The following CERS3 variants were observed in gnomAD, a reference collection of about 807,000 sequenced individuals.
The protein encoded by CERS3 is LAG1 homolog, ceramide synthase 3.
CERS3 carries 33 observed loss-of-function variants against 50.3 expected under a neutral mutation model. The ratio of observed to expected loss-of-function variants is 0.66; its 90% confidence interval spans 0.50 to 0.88. The LOEUF (loss-of-function observed/expected upper bound fraction) is 0.88. Among genes scored for constraint, CERS3 ranks in the 40% least tolerant of loss-of-function variants. CERS3 has a pLI of 0.00. For missense variants in CERS3, 470 were observed against 460.3 expected (o/e 1.02, Z -0.19); for synonymous variants, 176 against 155.2 (o/e 1.13, Z -0.99).
chr15:100,492,855 A>G (rs2035693723), intron 3 of CERS3, among the ~76,000 whole-genome samples: 1 of 151,986 alleles, frequency 6.6e-6, no homozygotes, highest in South Asian at 2.1e-4. Flanking sequence ...GTTTTTTACT[A>G]TTTTAAAAGT....
At chr15:100,419,906 C>A (rs1596625478) in intron 11 of CERS3, among the ~76,000 whole-genome samples, 1 of 150,060 alleles carries the variant, frequency 6.7e-6, no homozygotes, top group African/African-American at 2.5e-5. Context: ...CACAACATAC[C>A]AGAATCTCTG....
At chr15:100,532,637 T>C (rs190935334), upstream of CERS3, among the ~76,000 whole-genome samples, 187 of 151,342 alleles carry the variant, frequency 1.2e-3, 3 homozygotes, top group East Asian at 0.016. Context: ...ATGGTAGCTG[T>C]GATCCCAGCT....
chr15:100,480,091 G>C, intron 5 of CERS3, 45 bp from the exon 6 acceptor site: 1 of 1,386,372 alleles, frequency 7.2e-7, no homozygotes, highest in Middle Eastern at 1.8e-4. Flanking sequence ...AAAGGTAACT[G>C]AGATTTGAGG....
intron 11 of CERS3, among the ~76,000 whole-genome samples, chr15:100,412,453 A>G (rs1002971826): frequency 2.6e-5 from 4 of 152,108 alleles, no homozygotes; most frequent in African/African-American, 9.7e-5. Flanking sequence ...TTGATTACTG[A>G]AGATTTGTAG....
chr15:100,526,756 G>A (rs1255453555), intron 1 of CERS3, among the ~76,000 whole-genome samples: 1 of 151,958 alleles, frequency 6.6e-6, no homozygotes, highest in African/African-American at 2.4e-5. Context: ...CTCCCTGAGG[G>A]CAGGGACTTG....
intron 9 of CERS3, among the ~76,000 whole-genome samples, chr15:100,471,433 C>T (rs943027730): frequency 1.3e-5 from 2 of 152,118 alleles, no homozygotes; most frequent in Non-Finnish European, 2.9e-5. Flanking sequence ...AGGGCAACCC[C>T]GTGTTTATTC....
chr15:100,431,146 C>T (rs2033111804), intron 11 of CERS3, among the ~76,000 whole-genome samples: 1 of 152,186 alleles, frequency 6.6e-6, no homozygotes, highest in South Asian at 2.1e-4. Flanking sequence ...GATTGCTACT[C>T]TTTGTGAAAA....
intron 3 of CERS3, among the ~76,000 whole-genome samples, chr15:100,498,205 T>A (rs968523339): frequency 6.6e-6 from 1 of 152,160 alleles, no homozygotes; most frequent in African/African-American, 2.4e-5. Flanking sequence ...AAAAATAACA[T>A]TGTTAACAGA....
intron 2 of CERS3, among the ~76,000 whole-genome samples, chr15:100,515,611 G>A (rs891820711): frequency 6.0e-5 from 9 of 150,388 alleles, no homozygotes; most frequent in Non-Finnish European, 8.9e-5. Context: ...GAAGTCAGAG[G>A]GGTGTAAAGC....
intron 11 of CERS3, among the ~76,000 whole-genome samples, chr15:100,411,451 C>T (rs777711788): frequency 6.6e-5 from 10 of 152,064 alleles, no homozygotes; most frequent in South Asian, 2.1e-4. Context: ...CGTGAGCCAC[C>T]GTGCCTGGCC....
chr15:100,528,724 C>G (rs1293679637), intron 1 of CERS3, 89 bp downstream of exon 1: 1 of 152,456 alleles, frequency 6.6e-6, no homozygotes, highest in Non-Finnish European at 1.5e-5. Flanking sequence ...CCCAGGCACA[C>G]ATACACACAC....
chr15:100,423,552 A>T (rs1333417359), intron 11 of CERS3, among the ~76,000 whole-genome samples: 1 of 152,284 alleles, frequency 6.6e-6, no homozygotes, highest in South Asian at 2.1e-4. Context: ...CTCACTTACA[A>T]CACACATGGA....
intron 11 of CERS3, among the ~76,000 whole-genome samples, chr15:100,440,126 T>C (rs2033613684): frequency 6.6e-6 from 1 of 152,202 alleles, no homozygotes; most frequent in African/African-American, 2.4e-5. Context: ...CTGGACCCAA[T>C]CATTACAGGC....
intron 11 of CERS3, among the ~76,000 whole-genome samples, chr15:100,430,109 G>C (rs972129851): frequency 1.3e-5 from 2 of 151,934 alleles, no homozygotes; most frequent in Non-Finnish European, 2.9e-5. Flanking sequence ...TCAGGAGATC[G>C]AGACCATCCT....
chr15:100,543,577 T>A (rs532130258), intron 1 of CERS3, among the ~76,000 whole-genome samples: 45 of 150,572 alleles, frequency 3.0e-4, no homozygotes, highest in Non-Finnish European at 5.5e-4. Flanking sequence ...TTGCCCAGGC[T>A]GGAGTGCAAT....
chr15:100,444,572 C>A, intron 11 of CERS3, among the ~76,000 whole-genome samples: 1 of 152,194 alleles, frequency 6.6e-6, no homozygotes, highest in Non-Finnish European at 1.5e-5. Flanking sequence ...CTCTTAGAAC[C>A]TCTCATTTCC....
chr15:100,476,214 C>A, intron 7 of CERS3, 36 bp from the exon 8 acceptor site: 1 of 1,405,032 alleles, frequency 7.1e-7, no homozygotes, highest in Non-Finnish European at 9.7e-7. Flanking sequence ...CTTTAAATGC[C>A]ATCATAGAAG....
intron 10 of CERS3, among the ~76,000 whole-genome samples, chr15:100,468,430 T>C (rs1224206407): frequency 2.0e-5 from 3 of 152,182 alleles, no homozygotes; most frequent in Non-Finnish European, 4.4e-5. Context: ...CGAATACACA[T>C]GGTCTAAAGA....
At position 100,484,662 on chromosome 15, in the gene CERS3, T is replaced by C. The variant is rs746543071; in HGVS notation, c.295A>G (p.Ile99Val). Reference sequence around the variant, plus strand: ...TTACACTTCTTTGCCAGTCCATAAATATCAGTCTGAAAAGGGATGAAACGC... The same window carrying C: ...TTACACTTCTTTGCCAGTCCATAAACATCAGTCTGAAAAGGGATGAAACGC... The part of the protein sequence containing the change: ...HSTRQPLQTD[I>V]YGLAKKCNLT... Residue 99 changes from isoleucine to valine, a missense_variant, in exon 5 of 12, where the codon ATT becomes GTT. Ile to Val is a conservative substitution (Grantham distance 29). Transcript: ENST00000679737. The C allele has an allele frequency of 5.8e-5, 93 of 1,611,134 alleles. 1 individual carries two copies. Among genetic ancestry groups the C allele is most frequent in the Middle Eastern group, 4.9e-4 (3 of 6,084 alleles).
Sources: gnomAD v4.1 joint callset for allele counts (sites outside exome capture counted in the v4.1 genomes callset) on GRCh38, gnomAD v4.1.1 for gene constraint, MANE v1.5 for transcripts, NCBI Gene and HGNC (gene_info 2026-07-23, HGNC 2026-07-21) for gene names.